Variants in SESTD1 observed in about 807,000 individuals in gnomAD.
SESTD1 encodes SEC14 and spectrin domain containing 1, also known as SEC14 domain and spectrin repeat-containing protein 1.
Under a neutral mutation model 101.7 loss-of-function variants are expected in SESTD1, and 43 were observed. The observed-to-expected ratio is 0.42, with a 90% confidence interval of 0.33 to 0.55. The LOEUF (loss-of-function observed/expected upper bound fraction) is 0.55. Ranked by LOEUF, SESTD1 falls within the 20% of genes least tolerant of loss-of-function variation. The pLI, the probability that SESTD1 is intolerant of heterozygous loss-of-function variation, is 0.07. For synonymous variants in SESTD1, 283 were observed against 286.8 expected (o/e 0.99, Z 0.13); for missense variants, 647 against 815.1 (o/e 0.79, Z 2.51).
At chr2:179,167,971 C>G (rs1242922420) in intron 5 of SESTD1, among the ~76,000 whole-genome samples, 1 of 152,164 alleles carries the variant, frequency 6.6e-6, no homozygotes, top group Admixed American at 6.5e-5. Context: ...CCATATTGGT[C>G]AGACCAGTCT....
intron 1 of SESTD1, among the ~76,000 whole-genome samples, chr2:179,211,433 CA>C: frequency 7.4e-6 from 1 of 134,244 alleles, no homozygotes; most frequent in East Asian, 2.0e-4. Context: ...CTATAGTTAC[CA>C]AAACCGCAGG....
chr2:179,259,641 G>A (rs1445584327), intron 1 of SESTD1, among the ~76,000 whole-genome samples: 1 of 151,996 alleles, frequency 6.6e-6, no homozygotes, highest in Non-Finnish European at 1.5e-5. Context: ...TCTGACTTAG[G>A]GCTTAATGTT....
intron 1 of SESTD1, among the ~76,000 whole-genome samples, chr2:179,238,049 T>C (rs1464812382): frequency 6.6e-6 from 1 of 152,204 alleles, no homozygotes; most frequent in Non-Finnish European, 1.5e-5. Flanking sequence ...ATATATTTTG[T>C]ATATGTACTA....
In SESTD1 at chr2:179,104,568, A is replaced by G. The variant is rs968188885; in HGVS notation, c.*5331T>C. On this transcript the variant is annotated 3_prime_UTR_variant, in exon 18 of 18. Transcript: ENST00000428443. ...AGACAGAAGCATTTGGACACCCTAAAGACATGGTATTCAGCTTGTGAAGAC... is the reference window on the plus strand; with the variant it reads ...AGACAGAAGCATTTGGACACCCTAAGGACATGGTATTCAGCTTGTGAAGAC... 8 of 152,120 alleles carry G rather than the reference A, an allele frequency of 5.3e-5. No individual in the cohort carries two copies. Among genetic ancestry groups the G allele is most frequent in the Non-Finnish European group, 1.0e-4 (7 of 68,022 alleles). The allele number at this position is 152,120 out of a possible 1,614,324, so 9.4% of individuals were successfully genotyped here.
chr2:179,163,465 G>A (rs1313792341), intron 5 of SESTD1, among the ~76,000 whole-genome samples: 1 of 151,484 alleles, frequency 6.6e-6, no homozygotes, highest in African/African-American at 2.4e-5. Flanking sequence ...ATTTTACTAA[G>A]CAGAAATCTA....
intron 5 of SESTD1, among the ~76,000 whole-genome samples, chr2:179,168,993 T>C (rs74772604): frequency 0.023 from 3,474 of 152,050 alleles, 52 homozygotes; most frequent in Non-Finnish European, 0.037. Flanking sequence ...TTAAGAGACA[T>C]AAATTACAAG....
chr2:179,185,419 A>G (rs2046196117), intron 2 of SESTD1, among the ~76,000 whole-genome samples: 1 of 145,292 alleles, frequency 6.9e-6, no homozygotes, highest in Non-Finnish European at 1.5e-5. Flanking sequence ...TGTATATAAT[A>G]TAGTATATTC....
chr2:179,209,620 G>A (rs1231751641), intron 1 of SESTD1, among the ~76,000 whole-genome samples: 1 of 134,092 alleles, frequency 7.5e-6, no homozygotes, highest in Admixed American at 7.3e-5. Flanking sequence ...TGATCTTTTG[G>A]GCAACAATAA....
intron 7 of SESTD1, among the ~76,000 whole-genome samples, chr2:179,148,502 T>C (rs535372143): frequency 9.8e-5 from 15 of 152,314 alleles, no homozygotes; most frequent in African/African-American, 2.9e-4. Flanking sequence ...TATTACTTCA[T>C]TGCATATCAT....
rs2046543793 is a variant in SESTD1, at chr2:179,203,187, ACT to A, written c.-25-11323_-25-11322del. 1.5e-5 allele frequency among the ~76,000 whole-genome samples: 2 copies of A among 133,672 alleles called. 1 individual carries two copies. Among genetic ancestry groups the A allele is most frequent in the Admixed American group, 1.5e-4 (2 of 13,778 alleles). 87.7% of individuals were successfully genotyped at this position (133,672 alleles called of 152,430 possible). On this transcript the variant is annotated intron_variant, in intron 1 of 17. Transcript: ENST00000428443. ...TTGCAGATAGCCCCCTTGCAGCATG[ACT>A]CTATACAATTTCCCTCCAGCCCCCA...
In SESTD1 at chr2:179,117,568, C is replaced by A; in HGVS notation, c.1488G>T (p.Met496Ile). ...VDVRRLKMLQ[M>I]VQLFKCEEDA... The stretch of plus-strand genomic sequence containing the variant: ...CTTCTTCACATTTAAACAACTGCAC[C>A]ATCTGAAGCATCTTTAACCTTCGCA... The change falls in exon 14 of 18, where the codon ATG becomes ATT. Residue 496 changes from methionine (M) to isoleucine (I), a missense_variant. By Grantham distance (10) the Met-to-Ile change is conservative. This residue lies in a region of SESTD1 where 476 missense variants were observed against 562.6 expected (regional missense o/e 0.85). Coordinates refer to ENST00000428443, the MANE Select transcript of SESTD1 (RefSeq NM_178123.5). 2 of 1,584,516 alleles carry A rather than the reference C, an allele frequency of 1.3e-6. No homozygotes were observed. Among genetic ancestry groups the A allele is most frequent in the Non-Finnish European group, 1.7e-6 (2 of 1,169,688 alleles).
Position 179,123,797 on chromosome 2 carries a change from C to A in SESTD1, c.1200G>T (p.Met400Ile). The change falls in exon 12 of 18, where the codon ATG (methionine) becomes ATT (isoleucine). Residue 400 changes from methionine (M) to isoleucine (I), a missense_variant. By Grantham distance (10) the Met-to-Ile change is conservative. This residue lies in a region of SESTD1 where 476 missense variants were observed against 562.6 expected (regional missense o/e 0.85). Coordinates refer to ENST00000428443, the MANE Select transcript of SESTD1 (RefSeq NM_178123.5). ...CAGCTGGTGCTACATCTACGCACAA[C>A]ATCCCTAATAAGCCATCCAACTGCT... ...LSQQLDGLLG[M>I]LCVDVAPADG... 2.5e-6 allele frequency: 4 copies of A among 1,614,014 alleles called. No homozygotes were observed. Among genetic ancestry groups the A allele is most frequent in the Non-Finnish European group, 3.4e-6 (4 of 1,179,928 alleles).
chr2:179,177,009 A>G (rs190129882), intron 3 of SESTD1, among the ~76,000 whole-genome samples: 21 of 152,328 alleles, frequency 1.4e-4, no homozygotes, highest in Non-Finnish European at 2.2e-4. Context: ...ATAAACCACA[A>G]TAATGGGCTT....
chr2:179,164,940 AT>A (rs1477537942), intron 5 of SESTD1, among the ~76,000 whole-genome samples: 2 of 152,188 alleles, frequency 1.3e-5, no homozygotes, highest in Admixed American at 1.3e-4. Context: ...TTTTTAAAAT[AT>A]TTTTTTAAAT....
chr2:179,147,077 G>A (rs991773914), intron 7 of SESTD1, among the ~76,000 whole-genome samples: 1 of 151,934 alleles, frequency 6.6e-6, no homozygotes, highest in Non-Finnish European at 1.5e-5. Flanking sequence ...CTAACTGACT[G>A]GTCTCATGCT....
At chr2:179,244,438 G>A (rs531898908) in intron 1 of SESTD1, among the ~76,000 whole-genome samples, 6 of 150,510 alleles carry the variant, frequency 4.0e-5, no homozygotes, top group Non-Finnish European at 8.8e-5. Flanking sequence ...CAGCCTGGGA[G>A]ATACAGTGAG....
In SESTD1 at chr2:179,109,682, C is replaced by G. The variant is rs909474754; in HGVS notation, c.*217G>C. On this transcript the variant is annotated 3_prime_UTR_variant, in exon 18 of 18. Transcript: ENST00000428443. ...GTTTTCAGTGCAATGTTTATAGTTC[C>G]TTCTTTTAAGATACTTGGAATCTAC... The G allele has an allele frequency of 3.6e-6, 2 of 548,144 alleles. No individual in the cohort carries two copies. Among genetic ancestry groups the G allele is most frequent in the African/African-American group, 3.8e-5 (2 of 52,974 alleles). The allele number at this position is 548,144 out of a possible 1,614,324, so 34.0% of individuals were successfully genotyped here. A position where few individuals can be genotyped will look rare whatever the true frequency, so the allele number is the denominator to read the frequency against.
Position 179,108,723 on chromosome 2 carries a change from AT to A in SESTD1, c.*1175del, listed in dbSNP as rs1226130661. 1.2e-4 allele frequency: 19 copies of A among 152,264 alleles called. No individual in the cohort carries two copies. The highest frequency in any genetic ancestry group is 9.2e-4 in the Admixed American group (14 of 15,296). The allele number at this position is 152,264 out of a possible 1,614,324, so 9.4% of individuals were successfully genotyped here. The stretch of plus-strand genomic sequence containing the variant: ...AAAATAATTTTTAATATTTTAAAAA[AT>A]GTTCTGAAATAAAAATACATAAAAT... On this transcript the variant is annotated 3_prime_UTR_variant, in exon 18 of 18. Coordinates refer to ENST00000428443, the MANE Select transcript of SESTD1 (RefSeq NM_178123.5).
At chr2:179,167,297 T>C (rs940885317) in intron 5 of SESTD1, among the ~76,000 whole-genome samples, 1 of 152,038 alleles carries the variant, frequency 6.6e-6, no homozygotes, top group Non-Finnish European at 1.5e-5. Context: ...AAGAGTGAAC[T>C]TGAAAATGGA....
Sources: allele counts gnomAD v4.1 joint callset (sites outside exome capture counted in the v4.1 genomes callset), GRCh38; gene constraint gnomAD v4.1.1; regional missense constraint gnomAD v4.1.1; transcripts MANE v1.5; gene names NCBI Gene and HGNC (gene_info 2026-07-23, HGNC 2026-07-21).